The following TOP1 variants were observed in gnomAD, a reference collection of about 807,000 sequenced individuals.
TOP1 encodes DNA topoisomerase 1.
Under a neutral mutation model 111.1 loss-of-function variants are expected in TOP1, and 10 were observed. The ratio of observed to expected loss-of-function variants is 0.09; its 90% CI spans 0.06 to 0.15. The LOEUF (loss-of-function observed/expected upper bound fraction) is 0.15. Ranked by LOEUF, TOP1 falls within the 10% of genes least tolerant of loss-of-function variation. TOP1 has a pLI of 1.00. For missense variants in TOP1, 474 were observed against 926.7 expected, an observed-to-expected ratio of 0.51 and a Z score of 6.34; for synonymous variants, 271 against 302.9, an observed-to-expected ratio of 0.89 and a Z score of 1.10.
rs184638813 is a variant in TOP1 at position 41,053,509 on chromosome 20, C to T, written c.59-7885C>T. Among the ~76,000 whole-genome samples, 182 of 152,248 alleles carry T rather than the reference C, an allele frequency of 1.2e-3. 1 individual carries two copies. The highest frequency in any genetic ancestry group is 4.0e-3 in the African/African-American group (165 of 41,544). ...ATTAAGCAATCTTACTGCCTTACTG[C>T]GCTTACTGAAAAATAGCAGCACAGC... On this transcript the variant is annotated intron_variant, in intron 2 of 20. Transcript: ENST00000361337.
At position 41,110,739 on chromosome 20, in the gene TOP1, T is replaced by A. The variant is rs1401621526; in HGVS notation, c.1309-2043T>A. Among the ~76,000 whole-genome samples, 1 of 152,218 alleles carries A rather than the reference T, an allele frequency of 6.6e-6. No individual in the cohort carries two copies. Among genetic ancestry groups the A allele is most frequent in the Non-Finnish European group, 1.5e-5 (1 of 68,026 alleles). On this transcript the variant is annotated intron_variant, in intron 13 of 20. Coordinates refer to ENST00000361337, the MANE Select transcript of TOP1 (RefSeq NM_003286.4). This position sits in a 1 kb window ranked among gnomAD's most constrained non-coding sequence, Gnocchi z 4.2. The stretch of plus-strand genomic sequence containing the variant: ...GAGGAGAGGTGGTCAAAGGCAGCCT[T>A]CTCCAGTGGATTCCTTGTCTTCTTG...
intron 8 of TOP1, among the ~76,000 whole-genome samples, chr20:41,091,139 T>C (rs550392585): frequency 2.6e-4 from 40 of 152,362 alleles, no homozygotes; most frequent in Non-Finnish European, 4.4e-4. Context: ...ATGTAATTTT[T>C]ATTTGATGTT....
rs1465280163 is a variant in TOP1, at chr20:41,061,836, G to T, written c.155+346G>T. Among the ~76,000 whole-genome samples the T allele has an allele frequency of 6.6e-6, 1 of 152,170 alleles. No individual in the cohort carries two copies. The highest frequency in any genetic ancestry group is 6.5e-5 in the Admixed American group (1 of 15,280). On this transcript the variant is annotated intron_variant, in intron 3 of 20. Transcript: ENST00000361337. The surrounding 1 kb of genome is among the most constrained non-coding windows in gnomAD (Gnocchi z 4.6). ...CTTGATAAAAGGTAACTGGATTGGA[G>T]ACCTGATTTTTTTTCTTCTTTCTAT...
intron 17 of TOP1, among the ~76,000 whole-genome samples, chr20:41,117,789 A>G (rs1414006848): frequency 6.6e-6 from 1 of 152,118 alleles, no homozygotes; most frequent in Non-Finnish European, 1.5e-5. Flanking sequence ...ACTTATGAAT[A>G]TGGGCAACAA....
chr20:41,055,400 A>G (rs2033457953), intron 2 of TOP1, among the ~76,000 whole-genome samples: 1 of 152,242 alleles, frequency 6.6e-6, no homozygotes, highest in Admixed American at 6.5e-5. Flanking sequence ...GTAATCTTCA[A>G]GGCCACAGTA....
intron 3 of TOP1, among the ~76,000 whole-genome samples, chr20:41,062,492 C>T (rs2033557710): frequency 6.6e-6 from 1 of 152,164 alleles, no homozygotes; most frequent in South Asian, 2.1e-4. Context: ...ATCACTTGAT[C>T]ATCTAGTTTC....
chr20:41,113,342 C>T (rs2034272737), intron 14 of TOP1, among the ~76,000 whole-genome samples: 1 of 152,064 alleles, frequency 6.6e-6, no homozygotes, highest in Non-Finnish European at 1.5e-5. Context: ...GTTTGATTGC[C>T]CAGAGTAGCA....
rs754801846 is a variant in TOP1, at chr20:41,121,993, G to T, written c.2046-13G>T. 8.1e-6 allele frequency: 13 copies of T among 1,613,562 alleles called. No individual in the cohort carries two copies. Among genetic ancestry groups the T allele is most frequent in the Non-Finnish European group, 1.1e-5 (13 of 1,179,866 alleles). The stretch of plus-strand genomic sequence containing the variant: ...CCCAGGCCTGGTTCTTGAGGACTTT[G>T]CTATTCTTCTAGGGTAGTAGAGTCA... On this transcript the variant is annotated splice_polypyrimidine_tract_variant and intron_variant, in intron 19 of 20. Coordinates refer to ENST00000361337, the MANE Select transcript of TOP1 (RefSeq NM_003286.4). This position sits in a 1 kb window ranked among gnomAD's most constrained non-coding sequence, Gnocchi z 4.2.
At chr20:41,055,473 T>C (rs1347165970) in intron 2 of TOP1, among the ~76,000 whole-genome samples, 1 of 152,236 alleles carries the variant, frequency 6.6e-6, no homozygotes, top group Non-Finnish European at 1.5e-5. Context: ...TTATTGGCTT[T>C]ACTTTTTCAC....
In TOP1 at chr20:41,097,162, A is replaced by G. The variant is rs187231962; in HGVS notation, c.731-58A>G. 3.3e-3 allele frequency: 5,304 copies of G among 1,586,138 alleles called. 13 individuals are homozygous for G. Among genetic ancestry groups the G allele is most frequent in the Non-Finnish European group, 4.0e-3 (4,654 of 1,168,088 alleles). ...TAAAGAGAATTCGCTAGCCCTGGGT[A>G]TTTATGCTTAGAACATGAATACTAT... On this transcript the variant is annotated intron_variant, in intron 9 of 20. Coordinates refer to ENST00000361337, the MANE Select transcript of TOP1 (RefSeq NM_003286.4). This position sits in a 1 kb window ranked among gnomAD's most constrained non-coding sequence, Gnocchi z 4.2.
rs752505761 is a variant in TOP1, at chr20:41,029,528, G to A, written c.58+73G>A. 4.0e-6 allele frequency: 5 copies of A among 1,252,466 alleles called. No individual in the cohort carries two copies. In the South Asian group the frequency reaches 6.3e-5, roughly 16 times the overall value. 77.6% of individuals were successfully genotyped at this position (1,252,466 alleles called of 1,614,324 possible). ...GCCTCCCCCGCGCCCTGCCGGTGCC[G>A]GGCAGAGGACAGACATGGCGTCCCA... On this transcript the variant is annotated intron_variant, in intron 2 of 20. Coordinates refer to ENST00000361337, the MANE Select transcript of TOP1 (RefSeq NM_003286.4). The surrounding 1 kb of genome is among the most constrained non-coding windows in gnomAD (Gnocchi z 6.1).
Position 41,029,863 on chromosome 20 carries a change from T to A in TOP1, c.58+408T>A, listed in dbSNP as rs979148386. 1 of 239,616 alleles carries A rather than the reference T, an allele frequency of 4.2e-6. No individual in the cohort carries two copies. The highest frequency in any genetic ancestry group is 8.4e-6 in the Non-Finnish European group (1 of 118,776). 14.8% of individuals were successfully genotyped at this position (239,616 alleles called of 1,614,324 possible). On this transcript the variant is annotated intron_variant, in intron 2 of 20. Transcript: ENST00000361337. The surrounding 1 kb of genome is among the most constrained non-coding windows in gnomAD (Gnocchi z 6.1). Reference sequence around the variant, plus strand: ...TTTCCTTGAGCTGCCCAGAATGAGCTTTCTGCAGAGCAAAGCCGTATAAAT... The same window carrying A: ...TTTCCTTGAGCTGCCCAGAATGAGCATTCTGCAGAGCAAAGCCGTATAAAT...
intron 2 of TOP1, among the ~76,000 whole-genome samples, chr20:41,039,171 C>G (rs1212330505): frequency 1.3e-5 from 2 of 152,158 alleles, no homozygotes; most frequent in Non-Finnish European, 2.9e-5. Flanking sequence ...AATATTGTGA[C>G]TAGACACAGA....
intron 9 of TOP1, among the ~76,000 whole-genome samples, chr20:41,093,371 G>T (rs2033943186): frequency 6.6e-6 from 1 of 152,090 alleles, no homozygotes; most frequent in Non-Finnish European, 1.5e-5. Context: ...GTGGATCTGA[G>T]CCCATTTAAC....
chr20:41,067,636 G>T lies in TOP1; in HGVS notation c.155+6146G>T, dbSNP rs2033624021. Among the ~76,000 whole-genome samples, 5 of 152,222 alleles carry T rather than the reference G, an allele frequency of 3.3e-5. No homozygotes were observed. The South Asian group carries it at 1.0e-3, about 32-fold the overall frequency. ...CTAATCAATTGTAGCTAATTTTGTG[G>T]CCATTTGTTAGGAGAAAACAAGTGT... On this transcript the variant is annotated intron_variant, in intron 3 of 20. Coordinates refer to ENST00000361337, the MANE Select transcript of TOP1 (RefSeq NM_003286.4). The surrounding 1 kb of genome is among the most constrained non-coding windows in gnomAD (Gnocchi z 4.0).
In TOP1 at chr20:41,110,566, C is replaced by T. The variant is rs1568703239; in HGVS notation, c.1309-2216C>T. 1.3e-5 allele frequency among the ~76,000 whole-genome samples: 2 copies of T among 151,380 alleles called. No homozygotes were observed. The highest frequency in any genetic ancestry group is 2.9e-5 in the Non-Finnish European group (2 of 68,030). On this transcript the variant is annotated intron_variant, in intron 13 of 20. Coordinates refer to ENST00000361337, the MANE Select transcript of TOP1 (RefSeq NM_003286.4). This position sits in a 1 kb window ranked among gnomAD's most constrained non-coding sequence, Gnocchi z 4.2. ...ATCTTGAATCCAGATCCTGATTCCA[C>T]CCAACCACTCTGCTGAATGGATAGC...
intron 8 of TOP1, among the ~76,000 whole-genome samples, chr20:41,085,588 A>G (rs17264110): frequency 0.13 from 19,251 of 152,308 alleles, 1,426 homozygotes; most frequent in Non-Finnish European, 0.15. Context: ...AAAAACTCAA[A>G]TGATTGACAG....
chr20:41,108,120 T>C (rs192655521), intron 13 of TOP1, among the ~76,000 whole-genome samples: 2 of 152,334 alleles, frequency 1.3e-5, no homozygotes, highest in East Asian at 3.9e-4. Flanking sequence ...TTTTACTTCA[T>C]GGAGGGCTTT....
At chr20:41,054,624 T>C (rs1254591294) in intron 2 of TOP1, among the ~76,000 whole-genome samples, 1 of 152,192 alleles carries the variant, frequency 6.6e-6, no homozygotes, top group Non-Finnish European at 1.5e-5. Flanking sequence ...CTGGCACCCG[T>C]ATTAGTGCCC....
Sources: allele counts gnomAD v4.1 joint callset (sites outside exome capture counted in the v4.1 genomes callset), GRCh38; gene constraint gnomAD v4.1.1; non-coding constraint Gnocchi (gnomAD v3.1); transcripts MANE v1.5; gene names NCBI Gene and HGNC (gene_info 2026-07-23, HGNC 2026-07-21).